Variants in EPHA6 observed in about 807,000 individuals in gnomAD.
The protein encoded by EPHA6 is ephrin type-A receptor 6.
A neutral mutation model predicts 112.0 loss-of-function variants in EPHA6; 50 were observed. The ratio of observed to expected loss-of-function variants is 0.45; its 90% confidence interval spans 0.36 to 0.56. The LOEUF is 0.56. Among genes scored for constraint, EPHA6 ranks in the 20% least tolerant of loss-of-function variants. The probability of loss-of-function intolerance (pLI) is 0.00; values close to 1 mark genes in which losing one functional copy is unlikely to be tolerated. For synonymous variants in EPHA6, 529 were observed against 490.7 expected (o/e 1.08, Z -1.03); for missense variants, 1,280 against 1,417.4 (o/e 0.90, Z 1.56).
intron 2 of EPHA6, among the ~76,000 whole-genome samples, chr3:96,963,008 G>T (rs1197489055): frequency 2.0e-5 from 3 of 151,926 alleles, no homozygotes; most frequent in South Asian, 2.1e-4. Flanking sequence ...ACAAAAATTA[G>T]CTGGGCATAG....
At chr3:96,984,296 G>C (rs1403033449) in intron 2 of EPHA6, among the ~76,000 whole-genome samples, 1 of 152,190 alleles carries the variant, frequency 6.6e-6, no homozygotes, top group Non-Finnish European at 1.5e-5. Context: ...CTGCAGGTCT[G>C]TTGGAGTTTG....
intron 5 of EPHA6, among the ~76,000 whole-genome samples, chr3:97,262,138 A>G (rs775866021): frequency 5.9e-5 from 9 of 152,188 alleles, no homozygotes; most frequent in Non-Finnish European, 1.0e-4. Flanking sequence ...CTCTTTAGAA[A>G]ATACGATGAG....
chr3:96,840,561 TGAG>T (rs200678962), intron 1 of EPHA6, among the ~76,000 whole-genome samples: 1,745 of 152,108 alleles, frequency 0.011, 24 homozygotes, highest in Non-Finnish European at 0.017. Flanking sequence ...GAGCAAAAGA[TGAG>T]GAGATGAATG....
intron 1 of EPHA6, among the ~76,000 whole-genome samples, chr3:96,827,888 G>A (rs2033772078): frequency 1.3e-5 from 2 of 152,082 alleles, no homozygotes; most frequent in African/African-American, 4.8e-5. Flanking sequence ...ATTGACAGAA[G>A]AATAAGGAAA....
At chr3:97,478,266 CAT>C (rs1345456227) in intron 8 of EPHA6, among the ~76,000 whole-genome samples, 2 of 152,064 alleles carry the variant, frequency 1.3e-5, no homozygotes, top group Admixed American at 1.3e-4. Flanking sequence ...AGCACATACA[CAT>C]GTGGCAAAGC....
intron 5 of EPHA6, among the ~76,000 whole-genome samples, chr3:97,371,654 G>T (rs1049912269): frequency 2.0e-5 from 3 of 152,142 alleles, no homozygotes; most frequent in Non-Finnish European, 4.4e-5. Context: ...AATGTTCAAG[G>T]AACAAGGGAG....
Position 97,756,231 on chromosome 3 carries a change from T to C in EPHA6, c.*7530T>C, listed in dbSNP as rs1222437316. ...TACCATATTGTTTTTGTCTTCAGAATAAGTCTGCTCAAAATTGTAGCCTTT... is the reference window on the plus strand; with the variant it reads ...TACCATATTGTTTTTGTCTTCAGAACAAGTCTGCTCAAAATTGTAGCCTTT... On this transcript the variant is annotated 3_prime_UTR_variant, in exon 18 of 18. Coordinates refer to ENST00000389672, the MANE Select transcript of EPHA6 (RefSeq NM_001080448.3). 6.6e-6 allele frequency among the ~76,000 whole-genome samples: 1 copy of C among 151,988 alleles called. No individual in the cohort carries two copies. The highest frequency in any genetic ancestry group is 2.4e-5 in the African/African-American group (1 of 41,466).
intron 16 of EPHA6, among the ~76,000 whole-genome samples, chr3:97,740,031 A>G (rs1335897119): frequency 6.6e-6 from 1 of 151,920 alleles, no homozygotes; most frequent in Non-Finnish European, 1.5e-5. Flanking sequence ...ACTTTAAAAC[A>G]CCTTTTTCTC....
chr3:96,938,436 T>A (rs2107677706), intron 2 of EPHA6, among the ~76,000 whole-genome samples: 1 of 151,932 alleles, frequency 6.6e-6, no homozygotes, highest in South Asian at 2.1e-4. Context: ...TAAGAATGCT[T>A]GTGATTTTTG....
chr3:97,399,367 A>C lies in EPHA6; in HGVS notation c.1607-5783A>C, dbSNP rs531107699. ...GTTGATGGATACTTTGATTGCTTCC[A>C]TATCTTAGCTATGGTGAATACTACT... is the stretch of plus-strand genomic sequence containing the variant. On this transcript the variant is annotated intron_variant, in intron 5 of 17. Coordinates refer to ENST00000389672, the MANE Select transcript of EPHA6 (RefSeq NM_001080448.3). Among the ~76,000 whole-genome samples, 12 of 151,560 alleles carry C rather than the reference A, an allele frequency of 7.9e-5. No homozygotes were observed. The South Asian group carries it at 2.5e-3, about 31-fold the overall frequency.
chr3:97,592,938 A>G (rs577764110), intron 12 of EPHA6, among the ~76,000 whole-genome samples: 119 of 152,342 alleles, frequency 7.8e-4, no homozygotes, highest in African/African-American at 2.7e-3. Context: ...GACTCTGCGC[A>G]CCTAATTCGC....
chr3:96,863,636 G>A (rs576838608), intron 1 of EPHA6, among the ~76,000 whole-genome samples: 30 of 151,842 alleles, frequency 2.0e-4, no homozygotes, highest in African/African-American at 6.7e-4. Flanking sequence ...ACTATAATAG[G>A]TACATACATA....
At chr3:97,229,242 T>C (rs1406159287) in intron 4 of EPHA6, among the ~76,000 whole-genome samples, 1 of 152,206 alleles carries the variant, frequency 6.6e-6, no homozygotes, top group Non-Finnish European at 1.5e-5. Context: ...CTATTTGTCT[T>C]TGGTTTTCAT....
At chr3:97,039,500 T>C (rs1228237835) in intron 3 of EPHA6, among the ~76,000 whole-genome samples, 3 of 151,988 alleles carry the variant, frequency 2.0e-5, no homozygotes, top group African/African-American at 2.4e-5. Flanking sequence ...AGAAAAATTA[T>C]GTAGAAGAGA....
chr3:97,344,560 C>T (rs1165277144), intron 5 of EPHA6, among the ~76,000 whole-genome samples: 2 of 152,126 alleles, frequency 1.3e-5, no homozygotes, highest in Non-Finnish European at 2.9e-5. Flanking sequence ...TTACTGGACA[C>T]CAGATCTGCC....
At chr3:97,075,290 A>T (rs943613054) in intron 3 of EPHA6, among the ~76,000 whole-genome samples, 2 of 152,054 alleles carry the variant, frequency 1.3e-5, no homozygotes, top group African/African-American at 4.8e-5. Context: ...GATAATGTTC[A>T]TATCAATTAA....
intron 11 of EPHA6, among the ~76,000 whole-genome samples, chr3:97,587,861 G>C (rs1405062193): frequency 6.6e-6 from 1 of 152,082 alleles, no homozygotes; most frequent in African/African-American, 2.4e-5. Context: ...TCACTGTGTT[G>C]GGCCAGGTAA....
At position 97,760,350 on chromosome 3, in the gene EPHA6, ATT is replaced by A. The variant is rs199951095; in HGVS notation, c.*11650_*11651del. 0.038 allele frequency: 5,966 copies of A among 157,812 alleles called. 198 individuals are homozygous for A. The highest frequency in any genetic ancestry group is 0.094 in the African/African-American group (3,832 of 40,718). The allele number at this position is 157,812 out of a possible 1,614,324, so 9.8% of individuals were successfully genotyped here. On this transcript the variant is annotated 3_prime_UTR_variant, in exon 18 of 18. Transcript: ENST00000389672. ...TGTTTCTGGAGATATATATATATAT[ATT>A]ATATATATGTATATATACCATATGT...
chr3:97,485,527 T>C (rs1010105590), intron 10 of EPHA6, among the ~76,000 whole-genome samples: 8 of 152,124 alleles, frequency 5.3e-5, no homozygotes, highest in Non-Finnish European at 1.2e-4. Context: ...ATAGATCACC[T>C]CATCTCCTGC....
Sources: gnomAD v4.1 joint callset for allele counts (sites outside exome capture counted in the v4.1 genomes callset) on GRCh38, gnomAD v4.1.1 for gene constraint, MANE v1.5 for transcripts, NCBI Gene and HGNC (gene_info 2026-07-23, HGNC 2026-07-21) for gene names.